The following FOCAD variants were observed in gnomAD, a reference collection of about 807,000 sequenced individuals.
FOCAD encodes the protein focadhesin.
A neutral mutation model predicts 225.6 loss-of-function variants in FOCAD; 198 were observed. The ratio of observed to expected loss-of-function variants is 0.88; its 90% CI spans 0.78 to 0.99. The LOEUF (loss-of-function observed/expected upper bound fraction) is 0.99. Ranked by LOEUF, FOCAD falls within the 50% of genes least tolerant of loss-of-function variation. The probability of loss-of-function intolerance (pLI) is 0.00; values close to 1 mark genes in which losing one functional copy is unlikely to be tolerated. For missense variants in FOCAD, 2,713 were observed against 2,123.6 expected (o/e 1.28, Z -5.46); for synonymous variants, 897 against 755.0 (o/e 1.19, Z -3.08).
chr9:20,707,768 T>C (rs1824509409), intron 1 of FOCAD, among the ~76,000 whole-genome samples: 1 of 152,172 alleles, frequency 6.6e-6, no homozygotes, highest in South Asian at 2.1e-4. Context: ...GGACCTTTTC[T>C]CAAGGGTCAA....
At position 20,805,588 on chromosome 9, in the gene FOCAD, C is replaced by A. The variant is rs183450303; in HGVS notation, c.1456-14208C>A. Among the ~76,000 whole-genome samples the A allele has an allele frequency of 5.9e-5, 9 of 152,154 alleles. No individual in the cohort carries two copies. In the East Asian group the frequency reaches 1.7e-3, roughly 29 times the overall value. On this transcript the variant is annotated intron_variant, in intron 11 of 43. Transcript: ENST00000338382. Reference sequence around the variant, plus strand: ...TCCTTCCATTATTTGATTTCAGCATCTTTCCCCCATTTCTTCTAAAGCTTT... The same window carrying A: ...TCCTTCCATTATTTGATTTCAGCATATTTCCCCCATTTCTTCTAAAGCTTT...
intron 15 of FOCAD, among the ~76,000 whole-genome samples, chr9:20,824,274 T>C (rs1371982963): frequency 6.6e-6 from 1 of 152,076 alleles, no homozygotes; most frequent in East Asian, 1.9e-4. Flanking sequence ...AATCCTGAAA[T>C]CTATTTTTAA....
In FOCAD at chr9:20,862,464, C is replaced by T. The variant is rs1243999446; in HGVS notation, c.1921-114C>T. Reference sequence around the variant, plus strand: ...ACCTTATTAAGTCCTATCTTCTAGGCATAGTCTTATTTGTTTCTTAAGTTT... The same window carrying T: ...ACCTTATTAAGTCCTATCTTCTAGGTATAGTCTTATTTGTTTCTTAAGTTT... On this transcript the variant is annotated intron_variant, in intron 15 of 43. Coordinates refer to ENST00000338382, the MANE Select transcript of FOCAD (RefSeq NM_001375567.1). 4 of 1,177,790 alleles carry T rather than the reference C, an allele frequency of 3.4e-6. No individual in the cohort carries two copies. The African/African-American group carries it at 6.2e-5, about 18-fold the overall frequency. 73.0% of individuals were successfully genotyped at this position (1,177,790 alleles called of 1,614,324 possible).
intron 1 of FOCAD, among the ~76,000 whole-genome samples, chr9:20,705,448 G>T (rs1489827896): frequency 1.3e-5 from 2 of 152,100 alleles, no homozygotes; most frequent in African/African-American, 4.8e-5. Context: ...TCATTTTTAA[G>T]GGGAGAAAAT....
chr9:20,767,871 G>T (rs1237358015), intron 7 of FOCAD, among the ~76,000 whole-genome samples: 10 of 151,774 alleles, frequency 6.6e-5, no homozygotes, highest in African/African-American at 1.7e-4. Flanking sequence ...TGCCATTGCT[G>T]TTGGTGTTTT....
At chr9:20,949,696 TCC>T in intron 33 of FOCAD, 21 bp downstream of exon 33, 2 of 1,584,178 alleles carry the variant, frequency 1.3e-6, no homozygotes, top group Non-Finnish European at 1.7e-6. Flanking sequence ...GAATTTAAAA[TCC>T]TTGGGTGGAA....
chr9:20,667,131 CTAAT>C (rs1448448596), intron 2 of FOCAD, among the ~76,000 whole-genome samples: 2 of 152,224 alleles, frequency 1.3e-5, no homozygotes, highest in Admixed American at 6.5e-5. Flanking sequence ...GAATCTACCA[CTAAT>C]TAGTTTCTCT....
intron 8 of FOCAD, among the ~76,000 whole-genome samples, chr9:20,771,608 A>C (rs1818237516): frequency 6.6e-6 from 1 of 152,052 alleles, no homozygotes; most frequent in Admixed American, 6.5e-5. Flanking sequence ...AAAATACAAA[A>C]AATTAGCTGG....
intron 1 of FOCAD, among the ~76,000 whole-genome samples, chr9:20,704,892 C>T (rs1018220774): frequency 2.0e-5 from 3 of 152,138 alleles, no homozygotes; most frequent in Admixed American, 6.6e-5. Context: ...CACATATTCT[C>T]ATAGAACAAT....
In FOCAD at chr9:20,926,298, C is replaced by T. The variant is rs778871024; in HGVS notation, c.2962-3C>T. 4 of 1,527,272 alleles carry T rather than the reference C, an allele frequency of 2.6e-6. No homozygotes were observed. The East Asian group carries it at 6.7e-5, about 26-fold the overall frequency. The allele number at this position is 1,527,272 out of a possible 1,614,324, so 94.6% of individuals were successfully genotyped here. On this transcript the variant is annotated splice_polypyrimidine_tract_variant and splice_region_variant and intron_variant, in intron 25 of 43. Transcript: ENST00000338382. ...TCATTTCATGTTTTTAATTCATCTG[C>T]AGGTTCAACCTAATTTCCTTTCAAT...
intron 21 of FOCAD, among the ~76,000 whole-genome samples, chr9:20,896,302 T>C (rs996331086): frequency 2.0e-5 from 3 of 151,918 alleles, no homozygotes; most frequent in African/African-American, 7.2e-5. Context: ...TCATGAAAGA[T>C]ATTGCTGTGA....
intron 15 of FOCAD, among the ~76,000 whole-genome samples, chr9:20,827,664 C>T (rs1171132445): frequency 1.3e-5 from 2 of 151,844 alleles, no homozygotes; most frequent in African/African-American, 4.8e-5. Flanking sequence ...CATAATCTCT[C>T]CTGTATGTGG....
At chr9:20,891,553 C>T (rs561206014) in intron 21 of FOCAD, among the ~76,000 whole-genome samples, 5 of 152,232 alleles carry the variant, frequency 3.3e-5, no homozygotes, top group African/African-American at 9.6e-5. Flanking sequence ...GATAAAGGAA[C>T]GAACCAACCA....
intron 15 of FOCAD, among the ~76,000 whole-genome samples, chr9:20,836,646 A>G (rs1826019326): frequency 2.0e-5 from 3 of 151,992 alleles, no homozygotes. Context: ...GTTTGGCCTT[A>G]TTTTTAACTT....
intron 35 of FOCAD, among the ~76,000 whole-genome samples, chr9:20,969,649 G>T (rs1839584130): frequency 6.6e-6 from 1 of 150,918 alleles, no homozygotes; most frequent in African/African-American, 2.4e-5. Context: ...ATTGTTTTAT[G>T]CATTTGCCTT....
intron 35 of FOCAD, among the ~76,000 whole-genome samples, chr9:20,965,438 C>G (rs1839173688): frequency 6.6e-6 from 1 of 152,112 alleles, no homozygotes; most frequent in African/African-American, 2.4e-5. Flanking sequence ...CTCTTTTTCT[C>G]TTTTTCAGGG....
intron 20 of FOCAD, 85 bp from the exon 21 acceptor site, chr9:20,885,024 A>G (rs1245489337): frequency 2.5e-6 from 2 of 802,312 alleles, no homozygotes; most frequent in Non-Finnish European, 3.2e-6. Flanking sequence ...GCACCACTGC[A>G]CTCCAGCCTG....
At chr9:20,666,387 C>T (rs1353364162) in intron 2 of FOCAD, among the ~76,000 whole-genome samples, 7 of 151,884 alleles carry the variant, frequency 4.6e-5, no homozygotes, top group East Asian at 1.9e-4. Context: ...CTGGGCAACA[C>T]GACAAAATCC....
chr9:20,770,325 T>C, intron 8 of FOCAD, 87 bp downstream of exon 8: 1 of 1,252,118 alleles, frequency 8.0e-7, no homozygotes, highest in Non-Finnish European at 1.1e-6. Context: ...TGAGGTTTAA[T>C]TGGCTTACAG....
Sources: gnomAD v4.1 joint callset for allele counts (sites outside exome capture counted in the v4.1 genomes callset) on GRCh38, gnomAD v4.1.1 for gene constraint, MANE v1.5 for transcripts, NCBI Gene and HGNC (gene_info 2026-07-23, HGNC 2026-07-21) for gene names.